NR3C2: variants seen among roughly 807,000 people sequenced by gnomAD.
NR3C2 encodes the protein mineralocorticoid receptor.
NR3C2 carries 15 observed loss-of-function variants against 86.4 expected under a neutral mutation model. That is an observed-to-expected ratio of 0.17 (90% CI 0.12 to 0.27). The LOEUF (loss-of-function observed/expected upper bound fraction) is 0.27, where lower values mean the gene tolerates loss of function less well. Ranked by LOEUF, NR3C2 falls within the 10% of genes least tolerant of loss-of-function variation. The probability of loss-of-function intolerance (pLI) is 1.00; values close to 1 mark genes in which losing one functional copy is unlikely to be tolerated. For synonymous variants in NR3C2, 458 were observed against 450.5 expected, an observed-to-expected ratio of 1.02 and a Z score of -0.21; for missense variants, 960 against 1,195.6, an observed-to-expected ratio of 0.80 and a Z score of 2.91.
chr4:148,195,425 G>C (rs1736397296), intron 3 of NR3C2, among the ~76,000 whole-genome samples: 1 of 152,174 alleles, frequency 6.6e-6, no homozygotes, highest in African/African-American at 2.4e-5. Context: ...AGCTTTATTA[G>C]TATTTATTCA....
chr4:148,373,037 G>A (rs1746495203), intron 2 of NR3C2, among the ~76,000 whole-genome samples: 1 of 152,142 alleles, frequency 6.6e-6, no homozygotes, highest in South Asian at 2.1e-4. Flanking sequence ...TATGTAAGTA[G>A]AATCAATTTC....
At chr4:148,197,043 A>G (rs941429367) in intron 3 of NR3C2, among the ~76,000 whole-genome samples, 3 of 152,242 alleles carry the variant, frequency 2.0e-5, no homozygotes, top group African/African-American at 7.2e-5. Context: ...AACTCATACT[A>G]GAATTGATAA....
chr4:148,316,848 A>T (rs910503195), intron 2 of NR3C2, among the ~76,000 whole-genome samples: 19 of 151,874 alleles, frequency 1.3e-4, no homozygotes, highest in African/African-American at 4.3e-4. Flanking sequence ...GTTGCCCAGG[A>T]TGGGATGTAG....
At chr4:148,135,345 G>C (rs558361347) in intron 6 of NR3C2, among the ~76,000 whole-genome samples, 1 of 152,034 alleles carries the variant, frequency 6.6e-6, no homozygotes, top group Non-Finnish European at 1.5e-5. Context: ...GGGGTTGAGG[G>C]GGGTGAGTTT....
intron 2 of NR3C2, among the ~76,000 whole-genome samples, chr4:148,362,963 A>G (rs2063554): frequency 0.12 from 17,780 of 152,146 alleles, 1,106 homozygotes; most frequent in Middle Eastern, 0.16. Context: ...TTTCTCCCAT[A>G]CTACACAACT....
At chr4:148,169,507 TA>T (rs1352006266) in intron 4 of NR3C2, among the ~76,000 whole-genome samples, 1 of 151,076 alleles carries the variant, frequency 6.6e-6, no homozygotes, top group African/African-American at 2.4e-5. Flanking sequence ...TATGATTTTT[TA>T]TATATATATA....
intron 2 of NR3C2, among the ~76,000 whole-genome samples, chr4:148,408,230 C>T (rs1261262319): frequency 1.3e-5 from 2 of 152,162 alleles, no homozygotes; most frequent in African/African-American, 4.8e-5. Context: ...AGGGGTGTTA[C>T]ATGTCACAGA....
At chr4:148,289,027 A>G (rs1051903016) in intron 2 of NR3C2, among the ~76,000 whole-genome samples, 1 of 152,144 alleles carries the variant, frequency 6.6e-6, no homozygotes, top group East Asian at 1.9e-4. Flanking sequence ...GAAACTTATG[A>G]GACATAAAGA....
At chr4:148,194,242 A>T (rs1273265593) in intron 4 of NR3C2, among the ~76,000 whole-genome samples, 1 of 152,106 alleles carries the variant, frequency 6.6e-6, no homozygotes, top group African/African-American at 2.4e-5. Flanking sequence ...CTATCCATGG[A>T]TGTTGTATAC....
At position 148,436,593 on chromosome 4, in the gene NR3C2, T is replaced by C. The variant is rs747545555; in HGVS notation, c.268A>G (p.Thr90Ala). The part of the protein sequence containing the change: ...RPGILTSDIK[T>A]ELESKELSAT... ...GAAAGTTCCTTAGATTCCAGCTCAG[T>C]TTTAATATCAGATGTTAAAATCCCA... The change falls in exon 2 of 9, where the codon ACT (threonine) becomes GCT (alanine). Residue 90 changes from threonine to alanine, a missense_variant. Physicochemically the swap from Thr to Ala is moderately conservative, Grantham distance 58. Transcript: ENST00000358102. The C allele has an allele frequency of 1.4e-5, 23 of 1,614,084 alleles. 1 individual carries two copies. In the South Asian group the frequency reaches 2.5e-4, roughly 18 times the overall value.
chr4:148,321,823 T>G (rs1258212333), intron 2 of NR3C2, among the ~76,000 whole-genome samples: 4 of 152,376 alleles, frequency 2.6e-5, no homozygotes, highest in East Asian at 3.9e-4. Context: ...GGGTCTTGAC[T>G]CTTTATGCAA....
chr4:148,421,929 C>T (rs557794146), intron 2 of NR3C2, among the ~76,000 whole-genome samples: 3 of 152,116 alleles, frequency 2.0e-5, no homozygotes, highest in Non-Finnish European at 4.4e-5. Context: ...AAATCTTTTG[C>T]TTGTTAAATG....
intron 2 of NR3C2, among the ~76,000 whole-genome samples, chr4:148,318,200 T>A (rs1034622439): frequency 1.3e-5 from 2 of 151,664 alleles, no homozygotes; most frequent in African/African-American, 4.9e-5. Context: ...ACAAAGGACA[T>A]GAACTCATCA....
chr4:148,109,653 C>A (rs1731962317), intron 8 of NR3C2, among the ~76,000 whole-genome samples: 1 of 152,186 alleles, frequency 6.6e-6, no homozygotes, highest in Non-Finnish European at 1.5e-5. Flanking sequence ...CCATGTATGT[C>A]CCGAAAGTTG....
upstream of NR3C2, chr4:148,442,486 A>G (rs1453436365): frequency 8.6e-6 from 2 of 232,506 alleles, no homozygotes; most frequent in Non-Finnish European, 1.4e-5. Context: ...GAAAGCCCGG[A>G]GGGGGAGTGG....
At chr4:148,179,500 T>C (rs967069498) in intron 4 of NR3C2, among the ~76,000 whole-genome samples, 1 of 151,718 alleles carries the variant, frequency 6.6e-6, no homozygotes, top group South Asian at 2.1e-4. Context: ...AGCAGACTCC[T>C]TGGGTAAGCT....
chr4:148,195,846 C>T (rs1736416765), intron 3 of NR3C2, among the ~76,000 whole-genome samples: 1 of 152,176 alleles, frequency 6.6e-6, no homozygotes, highest in Non-Finnish European at 1.5e-5. Flanking sequence ...TAAGAAAAGA[C>T]AGAGATAAAG....
At chr4:148,329,755 T>C (rs1744142671) in intron 2 of NR3C2, among the ~76,000 whole-genome samples, 1 of 152,250 alleles carries the variant, frequency 6.6e-6, no homozygotes, top group African/African-American at 2.4e-5. Context: ...TTGCCCAAGA[T>C]GATGGAGGCT....
chr4:148,287,737 T>C (rs1315606648), intron 2 of NR3C2, among the ~76,000 whole-genome samples: 1 of 152,174 alleles, frequency 6.6e-6, no homozygotes, highest in Admixed American at 6.6e-5. Context: ...GTGTGTATTG[T>C]AAATATTTTT....
Sources: allele counts gnomAD v4.1 joint callset (sites outside exome capture counted in the v4.1 genomes callset), GRCh38; gene constraint gnomAD v4.1.1; transcripts MANE v1.5; gene names NCBI Gene and HGNC (gene_info 2026-07-23, HGNC 2026-07-21).